MAF: variants seen among roughly 807,000 people sequenced by gnomAD.
MAF encodes transcription factor Maf.
In MAF, 10 loss-of-function variants were observed where a neutral mutation model predicts 22.0. The observed-to-expected ratio is 0.45, with a 90% CI of 0.28 to 0.77. The LOEUF is 0.77. Among genes scored for constraint, MAF ranks in the 30% least tolerant of loss-of-function variants. MAF has a pLI of 0.12. For synonymous variants in MAF, 337 were observed against 255.8 expected (o/e 1.32, Z -3.03); for missense variants, 544 against 548.4 (o/e 0.99, Z 0.08).
At chr16:79,326,942 G>A in the MAF span, among the ~76,000 whole-genome samples, 1 of 152,192 alleles carries the variant, frequency 6.6e-6, no homozygotes, top group Non-Finnish European at 1.5e-5. Context: ...GATGGGATAA[G>A]CTGGATTTTG....
chr16:79,498,052 C>A, the MAF span, among the ~76,000 whole-genome samples: 1 of 152,172 alleles, frequency 6.6e-6, no homozygotes, highest in Admixed American at 6.5e-5. Flanking sequence ...TCCCTCCTGC[C>A]CTTGCACCCA....
the MAF span, among the ~76,000 whole-genome samples, chr16:79,455,637 G>T: frequency 2.0e-5 from 3 of 152,152 alleles, no homozygotes; most frequent in Middle Eastern, 3.2e-3. Flanking sequence ...TCATAATCAA[G>T]ATATGTCAGA....
the MAF span, among the ~76,000 whole-genome samples, chr16:79,396,028 A>AT: frequency 6.6e-6 from 1 of 152,318 alleles, no homozygotes; most frequent in South Asian, 2.1e-4. Context: ...ATGTCTTGGC[A>AT]TCTTGGAGAT....
chr16:79,595,615 T>C (rs1169941882), intron 1 of MAF: 1 of 1,058,484 alleles, frequency 9.4e-7, no homozygotes, highest in Non-Finnish European at 1.1e-6. Flanking sequence ...GTCCTACTAG[T>C]GAAGGTAGTT....
chr16:79,363,325 A>G, the MAF span, among the ~76,000 whole-genome samples: 5 of 152,228 alleles, frequency 3.3e-5, no homozygotes, highest in Admixed American at 3.3e-4. Context: ...AGTTGAATAT[A>G]TAGTGAGTCA....
chr16:79,331,776 C>A, the MAF span, among the ~76,000 whole-genome samples: 1 of 152,078 alleles, frequency 6.6e-6, no homozygotes, highest in Non-Finnish European at 1.5e-5. Flanking sequence ...GCCACTGTGG[C>A]CTCATTCCCT....
chr16:79,421,966 T>C, the MAF span, among the ~76,000 whole-genome samples: 5 of 152,080 alleles, frequency 3.3e-5, no homozygotes, highest in Admixed American at 2.6e-4. Context: ...TTAGTAGAGA[T>C]GGGGTTTCAC....
chr16:79,469,544 G>T, the MAF span, among the ~76,000 whole-genome samples: 1 of 152,248 alleles, frequency 6.6e-6, no homozygotes, highest in East Asian at 1.9e-4. Flanking sequence ...AATGGTCATT[G>T]CAGAGCTAGG....
chr16:79,280,841 G>C, the MAF span, among the ~76,000 whole-genome samples: 1 of 152,184 alleles, frequency 6.6e-6, no homozygotes, highest in East Asian at 1.9e-4. Context: ...GACAGCGTGG[G>C]AACATTTTAA....
the MAF span, among the ~76,000 whole-genome samples, chr16:79,263,684 G>A: frequency 2.6e-5 from 4 of 152,234 alleles, no homozygotes; most frequent in East Asian, 5.8e-4. Context: ...TGCATGTGGA[G>A]TGGGGGAGGA....
chr16:79,364,137 A>G, the MAF span, among the ~76,000 whole-genome samples: 3 of 152,208 alleles, frequency 2.0e-5, no homozygotes, highest in East Asian at 5.8e-4. Context: ...AGTGTCCTAC[A>G]TGCCCTAATT....
At chr16:79,540,606 T>C in the MAF span, among the ~76,000 whole-genome samples, 1 of 152,190 alleles carries the variant, frequency 6.6e-6, no homozygotes, top group African/African-American at 2.4e-5. Flanking sequence ...GGAACCTCTG[T>C]GGGAAGCCAG....
the MAF span, among the ~76,000 whole-genome samples, chr16:79,475,271 G>GA: frequency 6.7e-6 from 1 of 150,362 alleles, no homozygotes; most frequent in African/African-American, 2.4e-5. Flanking sequence ...AATAAAATAA[G>GA]AAAAAATATA....
the MAF span, among the ~76,000 whole-genome samples, chr16:79,395,626 C>T: frequency 6.6e-6 from 1 of 152,122 alleles, no homozygotes; most frequent in Non-Finnish European, 1.5e-5. Context: ...TTGCCACCCA[C>T]CAGCAGAAGC....
At chr16:79,494,110 G>T in the MAF span, among the ~76,000 whole-genome samples, 1 of 152,184 alleles carries the variant, frequency 6.6e-6, no homozygotes. Context: ...GAACACAGTT[G>T]TATTGGTTTT....
chr16:79,558,013 G>A, the MAF span, among the ~76,000 whole-genome samples: 1 of 151,942 alleles, frequency 6.6e-6, no homozygotes, highest in East Asian at 1.9e-4. Flanking sequence ...TTCAGGGGAA[G>A]CACACCAGCT....
the MAF span, among the ~76,000 whole-genome samples, chr16:79,527,837 A>G: frequency 0.86 from 130,716 of 152,234 alleles, 56,991 homozygotes; most frequent in South Asian, 0.96. Context: ...AGACAAGAGG[A>G]TGATGGTTTT....
chr16:79,587,474 G>C (rs1397001054), intron 1 of MAF, among the ~76,000 whole-genome samples: 1 of 152,004 alleles, frequency 6.6e-6, no homozygotes, highest in Admixed American at 6.5e-5. Flanking sequence ...AGAAACGCCA[G>C]TGAATAGAGT....
chr16:79,569,905 G>A, the MAF span, among the ~76,000 whole-genome samples: 3 of 151,926 alleles, frequency 2.0e-5, no homozygotes, highest in African/African-American at 7.3e-5. Context: ...TTGGCTTCAT[G>A]ATCCATCAGC....
Sources: allele counts gnomAD v4.1 joint callset (sites outside exome capture counted in the v4.1 genomes callset), GRCh38; gene constraint gnomAD v4.1.1; transcripts MANE v1.5; gene names NCBI Gene and HGNC (gene_info 2026-07-23, HGNC 2026-07-21).